The following DMGDH variants were observed in gnomAD, a reference collection of about 807,000 sequenced individuals.
The protein encoded by DMGDH is dimethylglycine dehydrogenase, mitochondrial.
DMGDH carries 76 observed loss-of-function variants against 95.2 expected under a neutral mutation model. That is an observed-to-expected ratio of 0.80 (90% CI 0.66 to 0.97). DMGDH has a LOEUF of 0.97. Among genes scored for constraint, DMGDH ranks in the 50% least tolerant of loss-of-function variants. The pLI, the probability that DMGDH is intolerant of heterozygous loss-of-function variation, is 0.00. For missense variants in DMGDH, 987 were observed against 1,055.0 expected (o/e 0.94, Z 0.89); for synonymous variants, 345 against 377.6 (o/e 0.91, Z 1.00).
chr5:79,023,297 G>A (rs1355736154), intron 14 of DMGDH, among the ~76,000 whole-genome samples: 3 of 152,150 alleles, frequency 2.0e-5, no homozygotes, highest in Non-Finnish European at 4.4e-5. Context: ...ATCCTAAACA[G>A]TAGCCGCTGC....
At position 79,026,641 on chromosome 5, in the gene DMGDH, G is replaced by A. The variant is rs920805569; in HGVS notation, c.2033-60C>T. Reference sequence around the variant, plus strand: ...GAACAATGATCACTAGATCTAATGTGCATTAGCTAGAACACATATAAGCAG... The same window carrying A: ...GAACAATGATCACTAGATCTAATGTACATTAGCTAGAACACATATAAGCAG... On this transcript the variant is annotated intron_variant, in intron 12 of 15. Coordinates refer to ENST00000255189, the MANE Select transcript of DMGDH (RefSeq NM_013391.3). 7.5e-6 allele frequency: 12 copies of A among 1,607,096 alleles called. No individual in the cohort carries two copies. In the African/African-American group the frequency reaches 1.6e-4, roughly 22 times the overall value.
At chr5:79,038,354 C>T (rs963115173) in intron 7 of DMGDH, among the ~76,000 whole-genome samples, 5 of 152,036 alleles carry the variant, frequency 3.3e-5, no homozygotes, top group African/African-American at 9.7e-5. Flanking sequence ...TATGGTGGAG[C>T]GTGCTTGTAA....
At chr5:79,009,355 CTTTTCTTTTCT>C (rs976131066) in intron 14 of DMGDH, among the ~76,000 whole-genome samples, 9 of 91,284 alleles carry the variant, frequency 9.9e-5, no homozygotes, top group African/African-American at 2.8e-4. Context: ...CTTTTCTTTT[CTTTTCTTTTCT>C]TTTTTTTTTT....
intron 14 of DMGDH, 119 bp downstream of exon 14, chr5:79,024,152 A>G (rs1753933987): frequency 1.1e-6 from 1 of 882,808 alleles, no homozygotes; most frequent in Non-Finnish European, 1.9e-6. Flanking sequence ...GCTAGTATTT[A>G]TGTTCACCTT....
In DMGDH at chr5:79,012,961, G is replaced by A. The variant is rs949463414; in HGVS notation, c.2251-7554C>T. 8.5e-5 allele frequency among the ~76,000 whole-genome samples: 13 copies of A among 152,196 alleles called. No individual in the cohort carries two copies. In the South Asian group the frequency reaches 1.9e-3, roughly 22 times the overall value. On this transcript the variant is annotated intron_variant, in intron 14 of 15. Transcript: ENST00000255189. ...CAAGACCTTTTTCCCCAGTGTTTTG[G>A]TTATCAGCACTTGGCTCCTTTTTAC... is the stretch of plus-strand genomic sequence containing the variant.
chr5:79,039,293 G>T (rs553547513), intron 7 of DMGDH, among the ~76,000 whole-genome samples: 1 of 152,214 alleles, frequency 6.6e-6, no homozygotes, highest in Admixed American at 6.5e-5. Context: ...CAATAGCAAA[G>T]ACTTGGAACC....
chr5:79,004,954 A>G (rs1221518579), intron 15 of DMGDH, among the ~76,000 whole-genome samples: 2 of 152,256 alleles, frequency 1.3e-5, no homozygotes, highest in Non-Finnish European at 2.9e-5. Flanking sequence ...TTTTGCATTT[A>G]CAGACATGGA....
chr5:79,064,555 A>T (rs1055281446), intron 1 of DMGDH, among the ~76,000 whole-genome samples: 2 of 152,018 alleles, frequency 1.3e-5, no homozygotes, highest in African/African-American at 4.8e-5. Context: ...TTTTAAATGT[A>T]TTTTTCTTTT....
intron 2 of DMGDH, among the ~76,000 whole-genome samples, chr5:79,062,984 C>T (rs532930358): frequency 3.6e-4 from 55 of 152,018 alleles, no homozygotes; most frequent in Non-Finnish European, 5.0e-4. Context: ...CACAGCTACT[C>T]GGAAGGCTGA....
chr5:79,028,723 A>AATC, intron 11 of DMGDH, 73 bp from the exon 12 acceptor site: 1 of 1,486,828 alleles, frequency 6.7e-7, no homozygotes, highest in Non-Finnish European at 9.4e-7. Context: ...TATCTCTCTG[A>AATC]AGACATGCTT....
chr5:79,010,730 G>A (rs1192990309), intron 14 of DMGDH, among the ~76,000 whole-genome samples: 3 of 152,112 alleles, frequency 2.0e-5, no homozygotes, highest in Admixed American at 6.5e-5. Context: ...CTCATAGAAA[G>A]TTCTAGAGAC....
chr5:79,003,671 CA>C (rs1184878968), intron 15 of DMGDH, among the ~76,000 whole-genome samples: 2 of 152,170 alleles, frequency 1.3e-5, no homozygotes, highest in Non-Finnish European at 2.9e-5. Context: ...TTCTTAAGGC[CA>C]GGGGCAGTGG....
rs377029859 is a variant in DMGDH at position 79,043,675 on chromosome 5, T to C, written c.994+629A>G. ...TAGATTAAAAGCTGAGGTACCTCCT[T>C]AGATGACCCAATCTTCAATCTGGCT... On this transcript the variant is annotated intron_variant, in intron 6 of 15. Transcript: ENST00000255189. Among the ~76,000 whole-genome samples the C allele has an allele frequency of 1.2e-4, 19 of 152,330 alleles. 1 individual carries two copies. The highest frequency in any genetic ancestry group is 6.5e-4 in the Admixed American group (10 of 15,306).
Position 79,051,401 on chromosome 5 carries a change from C to T in DMGDH, c.631G>A (p.Ala211Thr). The change falls in exon 5 of 16, where the codon GCC (alanine) becomes ACC (threonine). Residue 211 changes from alanine (A) to threonine (T), a missense_variant. Physicochemically the swap from Ala to Thr is moderately conservative, Grantham distance 58 (BLOSUM62 0). Coordinates refer to ENST00000255189, the MANE Select transcript of DMGDH (RefSeq NM_013391.3). ...ACTGGTGCAGGATATTTTAAAAGGG[C>T]ACCACATTTCCTAGCCCCAGCAGCC... ...ALAAGARKCG[A>T]LLKYPAPVTS... 2 of 1,614,140 alleles carry T rather than the reference C, an allele frequency of 1.2e-6. No homozygotes were observed. Among genetic ancestry groups the T allele is most frequent in the Non-Finnish European group, 1.7e-6 (2 of 1,180,016 alleles).
Position 79,005,385 on chromosome 5 carries a change from T to C in DMGDH, c.2273A>G (p.Gln758Arg). The part of the protein sequence containing the change: ...LNKPADFIGK[Q>R]ALKQIKAKGL... ...CTTGGCTTTAATCTGTTTCAGTGCT[T>C]GCTTTCCTATGAAGTCTGCTGGCTG... Residue 758 changes from glutamine to arginine, a missense_variant, in exon 15 of 16, where the codon CAA (glutamine) becomes CGA (arginine). By Grantham distance (43) the Gln-to-Arg change is conservative. Coordinates refer to ENST00000255189, the MANE Select transcript of DMGDH (RefSeq NM_013391.3). The C allele has an allele frequency of 6.2e-7, 1 of 1,614,144 alleles. No homozygotes were observed. The highest frequency in any genetic ancestry group is 8.5e-7 in the Non-Finnish European group (1 of 1,180,012).
intron 15 of DMGDH, chr5:79,000,420 G>A (rs1753434114): frequency 1.6e-6 from 1 of 626,374 alleles, no homozygotes; most frequent in African/African-American, 1.8e-5. Flanking sequence ...TCTCATACAA[G>A]TTGGAAAGAA....
chr5:79,005,220 T>A, intron 15 of DMGDH, 53 bp downstream of exon 15: 1 of 1,608,638 alleles, frequency 6.2e-7, no homozygotes, highest in Non-Finnish European at 8.5e-7. Flanking sequence ...ACAAGGGGAG[T>A]TTCTGTTGCA....
intron 5 of DMGDH, among the ~76,000 whole-genome samples, chr5:79,050,666 C>T (rs1021440462): frequency 6.6e-5 from 10 of 152,154 alleles, no homozygotes; most frequent in African/African-American, 1.9e-4. Flanking sequence ...GATCAGTGGC[C>T]GCTTGGCCAA....
chr5:79,067,455 AAAC>A (rs1196036350), intron 1 of DMGDH, among the ~76,000 whole-genome samples: 3 of 152,334 alleles, frequency 2.0e-5, no homozygotes, highest in East Asian at 1.9e-4. Context: ...TGGTCAGTTG[AAAC>A]AACAACAACA....
Sources: gnomAD v4.1 joint callset for allele counts (sites outside exome capture counted in the v4.1 genomes callset) on GRCh38, gnomAD v4.1.1 for gene constraint, MANE v1.5 for transcripts, NCBI Gene and HGNC (gene_info 2026-07-23, HGNC 2026-07-21) for gene names.